The following DCTN2 variants were observed in gnomAD, a reference collection of about 807,000 sequenced individuals.
DCTN2 encodes the protein dynactin subunit 2, also known as 50 kDa dynein-associated polypeptide.
A neutral mutation model predicts 55.4 loss-of-function variants in DCTN2; 18 were observed. The observed-to-expected ratio is 0.32, with a 90% CI of 0.22 to 0.48. The LOEUF (loss-of-function observed/expected upper bound fraction) is 0.48. Ranked by LOEUF, DCTN2 falls within the 20% of genes least tolerant of loss-of-function variation. The probability of loss-of-function intolerance (pLI) is 0.99; values close to 1 mark genes in which losing one functional copy is unlikely to be tolerated. For synonymous variants in DCTN2, 168 were observed against 185.2 expected, an observed-to-expected ratio of 0.91 and a Z score of 0.76; for missense variants, 390 against 491.0, an observed-to-expected ratio of 0.79 and a Z score of 1.94.
chr12:57,544,694 A>AC (rs1555175240), intron 2 of DCTN2, among the ~76,000 whole-genome samples: 1 of 152,090 alleles, frequency 6.6e-6, no homozygotes, highest in Non-Finnish European at 1.5e-5. Flanking sequence ...CACTGGGCCT[A>AC]TTTTTTATTT....
At chr12:57,536,998 T>A (rs976609686) in intron 2 of DCTN2, among the ~76,000 whole-genome samples, 2 of 151,708 alleles carry the variant, frequency 1.3e-5, no homozygotes, top group East Asian at 3.9e-4. Flanking sequence ...TTTTTTTTTT[T>A]TTTTAAATAG....
In DCTN2 at chr12:57,532,271, G is replaced by A. The variant is rs1264836331; in HGVS notation, c.969C>T (p.Ala323=). 2.6e-6 allele frequency: 4 copies of A among 1,563,394 alleles called. No individual in the cohort carries two copies. The highest frequency in any genetic ancestry group is 3.5e-6 in the Non-Finnish European group (4 of 1,153,392). ...TCTGCACCAGCTCAGGGAGGGTGGA[G>A]GCAATGGGGCTCCAGCGCTGTATAG... ...YETIQRWSPI[A]STLPELVQRL... The change falls in exon 12 of 14, where the codon GCC becomes GCT. Residue 323 remains alanine (A), a synonymous_variant. Transcript: ENST00000548249.
rs1248766695 is a variant in DCTN2, at chr12:57,534,045, C to G, written c.577G>C (p.Gly193Arg). 2.1e-5 allele frequency: 34 copies of G among 1,612,910 alleles called. No homozygotes were observed. Among genetic ancestry groups the G allele is most frequent in the Non-Finnish European group, 2.8e-5 (33 of 1,179,498 alleles). The change falls in exon 7 of 14, where the codon GGA (glycine) becomes CGA (arginine). Residue 193 changes from glycine (G) to arginine (R), a missense_variant. Gly to Arg is a moderately radical substitution (Grantham distance 125). Coordinates refer to ENST00000548249, the MANE Select transcript of DCTN2 (RefSeq NM_001261413.2). The part of the protein sequence containing the change: ...ATKNSKGGSG[G>R]KTTGTPPDSS... ...TCTGGGGGGGTCCCAGTGGTTTTTC[C>G]CCCTGATCCCCCTTTGCTGTTCTTT... is the stretch of plus-strand genomic sequence containing the variant.
In DCTN2 at chr12:57,535,493, T is replaced by G; in HGVS notation, c.255A>C (p.Glu85Asp). 6.2e-7 allele frequency: 1 copy of G among 1,614,022 alleles called. No individual in the cohort carries two copies. The highest frequency in any genetic ancestry group is 8.5e-7 in the Non-Finnish European group (1 of 1,179,890). Residue 85 changes from glutamate to aspartate, a missense_variant, in exon 4 of 14, where the codon GAA (glutamate) becomes GAC (aspartate). This residue lies in a region of DCTN2 where 117 missense variants were observed against 187.8 expected (regional missense o/e 0.62). Coordinates refer to ENST00000548249, the MANE Select transcript of DCTN2 (RefSeq NM_001261413.2). ...KTKRTGYESG[E>D]YEMLGEGLGV... ...CACACACACAACAAACCATCTCATATTCTCCAGATTCATATCCTGTCCTCT... is the reference window on the plus strand; with the variant it reads ...CACACACACAACAAACCATCTCATAGTCTCCAGATTCATATCCTGTCCTCT...
chr12:57,546,849 C>A (rs1331409576), intron 1 of DCTN2, among the ~76,000 whole-genome samples, 179 bp downstream of exon 1: 2 of 152,204 alleles, frequency 1.3e-5, no homozygotes, highest in Non-Finnish European at 1.5e-5. Context: ...GTCCGGCGGC[C>A]CGGCCCAGTC....
rs1177498003 is a variant in DCTN2, at chr12:57,535,774, G to A, written c.177C>T (p.Asp59=). Residue 59 remains aspartate, a synonymous_variant, in exon 3 of 14, where the codon GAC becomes GAT. Transcript: ENST00000548249. ...NPNAAYDKFK[D]KRVGTKGLDF... ...CAAGTCCCTTTGTCCCCACTCTCTT[G>A]TCCTTGAACTTGTCATAGGCAGCAT... is the stretch of plus-strand genomic sequence containing the variant. 1.2e-6 allele frequency: 2 copies of A among 1,613,724 alleles called. No individual in the cohort carries two copies. Among genetic ancestry groups the A allele is most frequent in the Non-Finnish European group, 1.7e-6 (2 of 1,179,830 alleles).
intron 13 of DCTN2, among the ~76,000 whole-genome samples, chr12:57,531,148 A>G (rs1256865624): frequency 6.6e-6 from 1 of 152,148 alleles, no homozygotes; most frequent in Admixed American, 6.5e-5. Context: ...TTTTTCATTT[A>G]TCTCAGTGAT....
chr12:57,537,697 G>A (rs1240675036), intron 2 of DCTN2, among the ~76,000 whole-genome samples: 2 of 152,146 alleles, frequency 1.3e-5, no homozygotes, highest in Non-Finnish European at 2.9e-5. Flanking sequence ...CTGGGCAGAG[G>A]GGTAAGAGCT....
chr12:57,535,964 G>C (rs868523992), intron 2 of DCTN2, 119 bp from the exon 3 acceptor site: 4 of 781,216 alleles, frequency 5.1e-6, no homozygotes, highest in Middle Eastern at 2.3e-4. Context: ...GGGGAAAGAA[G>C]GGTGGCTCTA....
chr12:57,546,979 G>C (rs1034135922), intron 1 of DCTN2, 49 bp downstream of exon 1: 1 of 1,266,522 alleles, frequency 7.9e-7, no homozygotes, highest in Non-Finnish European at 1.0e-6. Flanking sequence ...GGGGTCCTTG[G>C]GAGGTCGGGG....
At chr12:57,544,212 T>A in intron 2 of DCTN2, 1 of 401,304 alleles carries the variant, frequency 2.5e-6, no homozygotes, top group Non-Finnish European at 4.9e-6. Flanking sequence ...GGAGACTGGT[T>A]CCAGGACCTC....
rs549698414 is a variant in DCTN2, at chr12:57,543,675, C to A, written c.105+2353G>T. On this transcript the variant is annotated intron_variant, in intron 2 of 13. Coordinates refer to ENST00000548249, the MANE Select transcript of DCTN2 (RefSeq NM_001261413.2). ...TCAGGAAACATCTTGGCTCTTCGGG[C>A]CCCTGAAGTGGCTGAAGGTCTGCCC... The A allele has an allele frequency of 5.1e-6, 4 of 783,952 alleles. No individual in the cohort carries two copies. The African/African-American group carries it at 7.5e-5, about 15-fold the overall frequency. 48.6% of individuals were successfully genotyped at this position (783,952 alleles called of 1,614,324 possible). A position where few individuals can be genotyped will look rare whatever the true frequency, so the allele number is the denominator to read the frequency against.
intron 2 of DCTN2, chr12:57,543,876 A>G: frequency 8.0e-7 from 1 of 1,243,830 alleles, no homozygotes; most frequent in Non-Finnish European, 1.1e-6. Flanking sequence ...CCACCCCACT[A>G]GATGCTACTA....
At chr12:57,533,480 T>TA (rs1168667905) in intron 7 of DCTN2, among the ~76,000 whole-genome samples, 177 bp from the exon 8 acceptor site, 1 of 152,038 alleles carries the variant, frequency 6.6e-6, no homozygotes, top group African/African-American at 2.4e-5. Context: ...GAGGGAAACA[T>TA]AGAGAATGAG....
Position 57,539,894 on chromosome 12 carries a change from T to C in DCTN2, c.106-4049A>G, listed in dbSNP as rs539269995. 1.2e-3 allele frequency among the ~76,000 whole-genome samples: 176 copies of C among 152,074 alleles called. 1 individual carries two copies. Among genetic ancestry groups the C allele is most frequent in the African/African-American group, 4.1e-3 (170 of 41,476 alleles). On this transcript the variant is annotated intron_variant, in intron 2 of 13. Transcript: ENST00000548249. ...ATACAAAATTAGCCAGGCATGGTGG[T>C]GGACGCCTGTAATCCCAGCTACTCG...
rs1879903924 is a variant in DCTN2 at position 57,533,223 on chromosome 12, A to G, written c.735+15T>C. 1 of 1,613,400 alleles carries G rather than the reference A, an allele frequency of 6.2e-7. No individual in the cohort carries two copies. Among genetic ancestry groups the G allele is most frequent in the African/African-American group, 1.3e-5 (1 of 75,002 alleles). ...AGGATCTAAGGCTCAGATTATGTACAGGAGAACACCTGACCTGAGCATCCT... is the reference window on the plus strand; with the variant it reads ...AGGATCTAAGGCTCAGATTATGTACGGGAGAACACCTGACCTGAGCATCCT... On this transcript the variant is annotated intron_variant, in intron 8 of 13. Coordinates refer to ENST00000548249, the MANE Select transcript of DCTN2 (RefSeq NM_001261413.2).
intron 2 of DCTN2, among the ~76,000 whole-genome samples, chr12:57,539,656 C>T (rs1030504397): frequency 2.6e-5 from 4 of 152,158 alleles, no homozygotes; most frequent in African/African-American, 9.7e-5. Context: ...CAAGTGCTTC[C>T]TTTCACCAAG....
rs552085385 is a variant in DCTN2, at chr12:57,530,304, G to A, written c.*385C>T. The A allele has an allele frequency of 5.8e-6, 1 of 171,396 alleles. No individual in the cohort carries two copies. The highest frequency in any genetic ancestry group is 1.9e-4 in the South Asian group (1 of 5,298). 10.6% of individuals were successfully genotyped at this position (171,396 alleles called of 1,614,324 possible). A position where few individuals can be genotyped will look rare whatever the true frequency, so the allele number is the denominator to read the frequency against. ...CTTCCTCCCCAGGAAACACAGCAGA[G>A]GCCACACAGAGTACAACAGCATTTA... On this transcript the variant is annotated 3_prime_UTR_variant, in exon 14 of 14. Transcript: ENST00000548249.
rs1419827842 is a variant in DCTN2 at position 57,545,956 on chromosome 12, G to C, written c.105+72C>G. On this transcript the variant is annotated intron_variant, in intron 2 of 13. Coordinates refer to ENST00000548249, the MANE Select transcript of DCTN2 (RefSeq NM_001261413.2). The stretch of plus-strand genomic sequence containing the variant: ...ACCCGCTTATTGCTGTAGCTCCCCC[G>C]AGAAAGGGAAGGACCTGTCTAGGGG... 2.0e-6 allele frequency: 3 copies of C among 1,510,386 alleles called. No individual in the cohort carries two copies. The African/African-American group carries it at 4.1e-5, about 21-fold the overall frequency. 93.6% of individuals were successfully genotyped at this position (1,510,386 alleles called of 1,614,324 possible).
Sources: gnomAD v4.1 joint callset for allele counts (sites outside exome capture counted in the v4.1 genomes callset) on GRCh38, gnomAD v4.1.1 for gene constraint, gnomAD v4.1.1 regional missense constraint, MANE v1.5 for transcripts, NCBI Gene and HGNC (gene_info 2026-07-23, HGNC 2026-07-21) for gene names.